Variants in TMEM8B observed in about 807,000 individuals in gnomAD.
TMEM8B encodes the protein nasopharyngeal carcinoma expressed 6.
In TMEM8B, 29 loss-of-function variants were observed where a neutral mutation model predicts 49.3. The ratio of observed to expected loss-of-function variants is 0.59; its 90% CI spans 0.44 to 0.80. TMEM8B has a LOEUF of 0.80. TMEM8B is among the 30% of genes least tolerant of loss of function. The pLI is 0.00. For missense variants in TMEM8B, 575 were observed against 658.5 expected (o/e 0.87, Z 1.39); for synonymous variants, 264 against 272.8 (o/e 0.97, Z 0.32).
chr9:35,831,558 C>T (rs551079834), intron 1 of TMEM8B, among the ~76,000 whole-genome samples: 125 of 152,310 alleles, frequency 8.2e-4, no homozygotes, highest in African/African-American at 2.9e-3. Context: ...GAGGCAGTAG[C>T]CAGTCAGGTT....
chr9:35,852,280 G>T (rs74407935), intron 10 of TMEM8B, among the ~76,000 whole-genome samples: 2,092 of 152,246 alleles, frequency 0.014, 39 homozygotes, highest in African/African-American at 0.048. Flanking sequence ...TCTCTCCATG[G>T]CCTTAGGGAC....
In TMEM8B at chr9:35,842,810, C is replaced by T. The variant is rs541641201; in HGVS notation, c.1635+93C>T. ...TGGGGTGTTTACCTCCTCCAGGAAG[C>T]CTGTCCAGGTTGCTCCCACCCATCC... On this transcript the variant is annotated intron_variant, in intron 6 of 12. Coordinates refer to ENST00000643932, the MANE Select transcript of TMEM8B (RefSeq NM_001042590.4). The surrounding 1 kb of genome is among the most constrained non-coding windows in gnomAD (Gnocchi z 5.6). 1.2e-5 allele frequency: 17 copies of T among 1,379,544 alleles called. No individual in the cohort carries two copies. The highest frequency in any genetic ancestry group is 1.5e-5 in the Non-Finnish European group (16 of 1,035,988). The allele number at this position is 1,379,544 out of a possible 1,614,324, so 85.5% of individuals were successfully genotyped here. A position where few individuals can be genotyped will look rare whatever the true frequency, so the allele number is the denominator to read the frequency against.
intron 10 of TMEM8B, among the ~76,000 whole-genome samples, chr9:35,852,317 T>G (rs949157087): frequency 8.6e-5 from 13 of 151,970 alleles, no homozygotes; most frequent in African/African-American, 3.1e-4. Context: ...TGCCACACAC[T>G]CCCCGCATTT....
chr9:35,834,692 T>C, intron 2 of TMEM8B, 42 bp downstream of exon 2: 1 of 415,592 alleles, frequency 2.4e-6, no homozygotes, highest in East Asian at 3.6e-5. Context: ...TTCCAATCCC[T>C]GACCACTTTC....
chr9:35,845,754 C>T lies in TMEM8B; in HGVS notation c.1636-221C>T, dbSNP rs77716859. 3,602 of 985,388 alleles carry T rather than the reference C, an allele frequency of 3.7e-3. 105 individuals are homozygous for T. The African/African-American group carries it at 0.058, about 16-fold the overall frequency. The allele number at this position is 985,388 out of a possible 1,614,324, so 61.0% of individuals were successfully genotyped here. A position where few individuals can be genotyped will look rare whatever the true frequency, so the allele number is the denominator to read the frequency against. ...AGAACAGATTCAAAATTGGGCCTTG[C>T]CGTCTCATCAGTCCTTGAAAGATTT... is the stretch of plus-strand genomic sequence containing the variant. On this transcript the variant is annotated intron_variant, in intron 6 of 12. Coordinates refer to ENST00000643932, the MANE Select transcript of TMEM8B (RefSeq NM_001042590.4).
rs17204908 is a variant in TMEM8B, at chr9:35,854,568, C to T, written c.*728C>T. The T allele has an allele frequency of 0.23, 34,937 of 152,148 alleles. 4,941 individuals carry two copies. The highest frequency in any genetic ancestry group is 0.31 in the Non-Finnish European group (21,256 of 67,994). 9.4% of individuals were successfully genotyped at this position (152,148 alleles called of 1,614,324 possible). ...ACACCCTGTACACAGTCTGATCCCGCTCATCTGGGCCCTGCATTCATTTCT... is the reference window on the plus strand; with the variant it reads ...ACACCCTGTACACAGTCTGATCCCGTTCATCTGGGCCCTGCATTCATTTCT... On this transcript the variant is annotated 3_prime_UTR_variant, in exon 13 of 13. Transcript: ENST00000643932.
rs1378574941 is a variant in TMEM8B, at chr9:35,857,826, G to T, written c.*3986G>T. The T allele has an allele frequency of 6.6e-6, 1 of 152,248 alleles. No individual in the cohort carries two copies. Among genetic ancestry groups the T allele is most frequent in the East Asian group, 1.9e-4 (1 of 5,196 alleles). 9.4% of individuals were successfully genotyped at this position (152,248 alleles called of 1,614,324 possible). On this transcript the variant is annotated 3_prime_UTR_variant, in exon 13 of 13. Transcript: ENST00000643932. ...CTCAGCTGGGCCAGCAGTTAGGAAA[G>T]AAGGCTGAGTGTGAAGTGAGGGGCA...
rs562151446 is a variant in TMEM8B at position 35,838,201 on chromosome 9, A to G, written c.907-2933A>G. Among the ~76,000 whole-genome samples, 3 of 152,322 alleles carry G rather than the reference A, an allele frequency of 2.0e-5. No homozygotes were observed. The South Asian group carries it at 6.2e-4, about 32-fold the overall frequency. On this transcript the variant is annotated intron_variant, in intron 3 of 12. Transcript: ENST00000643932. ...AGGCAATCCATGCACCTGGTACAAC[A>G]TTCAAAAGGTACAAAAGATATACAG...
chr9:35,846,178 G>C (rs972886600), intron 7 of TMEM8B, 80 bp from the exon 8 acceptor site: 1 of 1,606,932 alleles, frequency 6.2e-7, no homozygotes, highest in East Asian at 2.2e-5. Context: ...CTAGGGTTCC[G>C]GGAAGTGGGA....
At position 35,841,434 on chromosome 9, in the gene TMEM8B, C is replaced by T. The variant is rs1055510893; in HGVS notation, c.1041-92C>T. The T allele has an allele frequency of 2.2e-5, 9 of 411,084 alleles. No individual in the cohort carries two copies. The highest frequency in any genetic ancestry group is 1.3e-5 in the Non-Finnish European group (3 of 226,926). The allele number at this position is 411,084 out of a possible 1,614,324, so 25.5% of individuals were successfully genotyped here. On this transcript the variant is annotated intron_variant, in intron 4 of 12. Coordinates refer to ENST00000643932, the MANE Select transcript of TMEM8B (RefSeq NM_001042590.4). The surrounding 1 kb of genome is among the most constrained non-coding windows in gnomAD (Gnocchi z 5.9). ...GAGACCTGAACAGGCCTCCTTCCCA[C>T]CCTATGCCCCCTCCTTCCTAGTGCT...
At position 35,853,328 on chromosome 9, in the gene TMEM8B, C is replaced by A; in HGVS notation, c.2439+71C>A. 6.7e-7 allele frequency: 1 copy of A among 1,487,588 alleles called. No homozygotes were observed. The highest frequency in any genetic ancestry group is 9.3e-7 in the Non-Finnish European group (1 of 1,073,306). The allele number at this position is 1,487,588 out of a possible 1,614,324, so 92.1% of individuals were successfully genotyped here. On this transcript the variant is annotated intron_variant, in intron 12 of 12. Transcript: ENST00000643932. This position sits in a 1 kb window ranked among gnomAD's most constrained non-coding sequence, Gnocchi z 4.2. ...GGTGCTGGGCCCCAGGTATCTGGTC[C>A]CCAGTTTAAGGTGGGCTTGGCTCTG...
In TMEM8B at chr9:35,829,235, C is replaced by T. The variant is rs1564012051; in HGVS notation, c.-213C>T. 3 of 343,856 alleles carry T rather than the reference C, an allele frequency of 8.7e-6. No homozygotes were observed. The highest frequency in any genetic ancestry group is 1.6e-5 in the Non-Finnish European group (3 of 190,064). The allele number at this position is 343,856 out of a possible 1,614,324, so 21.3% of individuals were successfully genotyped here. On this transcript the variant is annotated 5_prime_UTR_variant, in exon 1 of 13. In the 5' UTR this introduces an upstream ATG that the reference lacks. Coordinates refer to ENST00000643932, the MANE Select transcript of TMEM8B (RefSeq NM_001042590.4). ...GCCGGGGGGCGGGGCGTCACGCCGA[C>T]GTCAAGTCGAGGCCGCCGCCGCGGG...
rs1250026535 is a variant in TMEM8B, at chr9:35,829,326, G to C, written c.-122G>C. ...GGCCTGAACTCCTACCCAGGTCCCC[G>C]GCCCCCGCCCCGGGCCCGCGAGGAC... On this transcript the variant is annotated 5_prime_UTR_variant, in exon 1 of 13. Coordinates refer to ENST00000643932, the MANE Select transcript of TMEM8B (RefSeq NM_001042590.4). The C allele has an allele frequency of 5.4e-6, 2 of 367,836 alleles. No homozygotes were observed. Among genetic ancestry groups the C allele is most frequent in the Non-Finnish European group, 9.7e-6 (2 of 206,332 alleles). 22.8% of individuals were successfully genotyped at this position (367,836 alleles called of 1,614,324 possible). A position where few individuals can be genotyped will look rare whatever the true frequency, so the allele number is the denominator to read the frequency against.
Position 35,854,031 on chromosome 9 carries a change from C to G in TMEM8B, c.*191C>G, listed in dbSNP as rs73645475. 1.7e-4 allele frequency: 221 copies of G among 1,317,498 alleles called. No homozygotes were observed. In the African/African-American group the frequency reaches 2.8e-3, roughly 17 times the overall value. 81.6% of individuals were successfully genotyped at this position (1,317,498 alleles called of 1,614,324 possible). A position where few individuals can be genotyped will look rare whatever the true frequency, so the allele number is the denominator to read the frequency against. On this transcript the variant is annotated 3_prime_UTR_variant, in exon 13 of 13. Transcript: ENST00000643932. The stretch of plus-strand genomic sequence containing the variant: ...GAGAACTTCCTGAGGGCCTGGAGTC[C>G]CCCTGCATCATGGAGTCCTTCTTAA...
At chr9:35,830,866 G>C (rs1829813581) in intron 1 of TMEM8B, among the ~76,000 whole-genome samples, 2 of 152,206 alleles carry the variant, frequency 1.3e-5, no homozygotes, top group African/African-American at 4.8e-5. Context: ...TTAATGGTTG[G>C]AATGTGGGAG....
At position 35,834,613 on chromosome 9, in the gene TMEM8B, A is replaced by C. The variant is rs971758549; in HGVS notation, c.661A>C (p.Thr221Pro). 2 of 415,780 alleles carry C rather than the reference A, an allele frequency of 4.8e-6. No individual in the cohort carries two copies. The highest frequency in any genetic ancestry group is 4.1e-5 in the African/African-American group (2 of 48,698). 25.8% of individuals were successfully genotyped at this position (415,780 alleles called of 1,614,324 possible). ...NLIIFKEQGG[T>P]FGDHCPDQSV... is the part of the protein sequence containing the mutation. ...CATCATCTTCAAGGAGCAAGGGGGA[A>C]CTTTTGGGGACCACTGCCCAGACCA... Residue 221 changes from threonine (T) to proline (P), a missense_variant, in exon 2 of 13, where the codon ACT (threonine) becomes CCT (proline). By Grantham distance (38) the Thr-to-Pro change is conservative. Transcript: ENST00000643932.
chr9:35,837,795 G>A (rs929611917), intron 3 of TMEM8B, among the ~76,000 whole-genome samples: 3 of 151,898 alleles, frequency 2.0e-5, no homozygotes, highest in Non-Finnish European at 4.4e-5. Flanking sequence ...TCTTGTCCCC[G>A]GCCTCCATCT....
rs1297865823 is a variant in TMEM8B, at chr9:35,858,081, G to A, written c.*4241G>A. The stretch of plus-strand genomic sequence containing the variant: ...CATGGGGGTGCCCTCACTGTGTCTG[G>A]TGCTGTTCCATTTTTTTTCTTTCTT... On this transcript the variant is annotated 3_prime_UTR_variant, in exon 13 of 13. Transcript: ENST00000643932. 2 of 152,766 alleles carry A rather than the reference G, an allele frequency of 1.3e-5. No individual in the cohort carries two copies. Among genetic ancestry groups the A allele is most frequent in the African/African-American group, 4.9e-5 (2 of 41,186 alleles). 9.5% of individuals were successfully genotyped at this position (152,766 alleles called of 1,614,324 possible).
At position 35,853,119 on chromosome 9, in the gene TMEM8B, G is replaced by A. The variant is rs753778674; in HGVS notation, c.2323-22G>A. ...CTGTCTGTCACCTGGCCCTAGCCCA[G>A]CCCTTGAGTCTCTTTCTCTAGGTGC... On this transcript the variant is annotated intron_variant, in intron 11 of 12. Coordinates refer to ENST00000643932, the MANE Select transcript of TMEM8B (RefSeq NM_001042590.4). The surrounding 1 kb of genome is among the most constrained non-coding windows in gnomAD (Gnocchi z 4.2). 9.9e-5 allele frequency: 160 copies of A among 1,611,498 alleles called. No homozygotes were observed. In the South Asian group the frequency reaches 1.6e-3, roughly 16 times the overall value.
Sources: allele counts gnomAD v4.1 joint callset (sites outside exome capture counted in the v4.1 genomes callset), GRCh38; gene constraint gnomAD v4.1.1; non-coding constraint Gnocchi (gnomAD v3.1); transcripts MANE v1.5; gene names NCBI Gene and HGNC (gene_info 2026-07-23, HGNC 2026-07-21).